Variants in CTIF observed in about 807,000 individuals in gnomAD.
The protein encoded by CTIF is cap binding complex dependent translation initiation factor, also known as CBP80/20-dependent translation initiation factor.
CTIF carries 21 observed loss-of-function variants against 66.0 expected under a neutral mutation model. That is an observed-to-expected ratio of 0.32 (90% CI 0.23 to 0.46). The LOEUF is 0.46. Among genes scored for constraint, CTIF ranks in the 20% least tolerant of loss-of-function variants. CTIF has a pLI of 1.00. For missense variants in CTIF, 739 were observed against 812.7 expected (o/e 0.91, Z 1.10); for synonymous variants, 345 against 326.4 (o/e 1.06, Z -0.62).
intron 6 of CTIF, among the ~76,000 whole-genome samples, chr18:48,710,993 T>C (rs528003544): frequency 1.6e-4 from 25 of 152,102 alleles, no homozygotes; most frequent in Non-Finnish European, 3.1e-4. Context: ...ATAATGATGA[T>C]AGTAATGCTG....
intron 9 of CTIF, among the ~76,000 whole-genome samples, chr18:48,803,929 G>A (rs892558837): frequency 1.3e-5 from 2 of 152,182 alleles, no homozygotes; most frequent in Non-Finnish European, 2.9e-5. Flanking sequence ...GGAGAGAGGG[G>A]AGAGAAGGGA....
chr18:48,754,879 G>A (rs1403856509), intron 7 of CTIF, among the ~76,000 whole-genome samples: 5 of 152,220 alleles, frequency 3.3e-5, no homozygotes, highest in African/African-American at 9.6e-5. Flanking sequence ...ATGAACAGCA[G>A]AAGCCCTGCA....
chr18:48,791,994 A>G (rs1437934492), intron 9 of CTIF, among the ~76,000 whole-genome samples: 1 of 152,236 alleles, frequency 6.6e-6, no homozygotes, highest in African/African-American at 2.4e-5. Context: ...AGCAGCAAAC[A>G]GACAGACTCA....
At chr18:48,699,457 G>T (rs2092053301) in intron 6 of CTIF, among the ~76,000 whole-genome samples, 1 of 151,564 alleles carries the variant, frequency 6.6e-6, no homozygotes, top group Non-Finnish European at 1.5e-5. Context: ...GTGCAGGTCT[G>T]TGTGGAGGAA....
intron 10 of CTIF, among the ~76,000 whole-genome samples, chr18:48,843,148 G>C (rs370881027): frequency 9.2e-5 from 14 of 151,778 alleles, no homozygotes; most frequent in African/African-American, 3.4e-4. Flanking sequence ...GTCTCAAGGA[G>C]CTCTGTTGTG....
At chr18:48,670,866 G>A (rs140986563) in intron 6 of CTIF, 122 bp downstream of exon 6, 453 of 791,118 alleles carry the variant, frequency 5.7e-4, no homozygotes, top group Non-Finnish European at 8.2e-4. Flanking sequence ...GAGTGTAACC[G>A]CCTGTATGGT....
intron 1 of CTIF, among the ~76,000 whole-genome samples, chr18:48,570,361 C>T (rs966206941): frequency 6.6e-6 from 1 of 152,204 alleles, no homozygotes; most frequent in Non-Finnish European, 1.5e-5. Flanking sequence ...GAGTCTGAGT[C>T]CTGTCCTTCC....
At chr18:48,546,121 T>C (rs1376994006) in intron 1 of CTIF, among the ~76,000 whole-genome samples, 1 of 152,084 alleles carries the variant, frequency 6.6e-6, no homozygotes. Flanking sequence ...GGAGAGAAGA[T>C]ATGAACATAT....
At chr18:48,682,751 A>C (rs1485154963) in intron 6 of CTIF, among the ~76,000 whole-genome samples, 1 of 151,906 alleles carries the variant, frequency 6.6e-6, no homozygotes. Context: ...GGTCCCCCAG[A>C]CTCCAGCAAC....
chr18:48,671,126 G>A (rs971084974), intron 6 of CTIF, among the ~76,000 whole-genome samples: 2 of 152,178 alleles, frequency 1.3e-5, no homozygotes, highest in South Asian at 4.1e-4. Context: ...ATTCTAATGT[G>A]GCTGGGGCTG....
At chr18:48,831,199 T>C (rs1427060790) in intron 10 of CTIF, among the ~76,000 whole-genome samples, 1 of 152,242 alleles carries the variant, frequency 6.6e-6, no homozygotes, top group Non-Finnish European at 1.5e-5. Context: ...AAAGGGGCAT[T>C]TGTGCCCACA....
Position 48,783,355 on chromosome 18 carries a change from C to T in CTIF, c.1371+21666C>T, listed in dbSNP as rs934269159. ...TACTCTGAGATTGCATCCTTCCTAC[C>T]ATATTGGCATTAAGTTGTCCTTTCT... On this transcript the variant is annotated intron_variant, in intron 9 of 11. Coordinates refer to ENST00000256413, the MANE Select transcript of CTIF (RefSeq NM_014772.3). Among the ~76,000 whole-genome samples the T allele has an allele frequency of 2.0e-5, 3 of 152,134 alleles. No individual in the cohort carries two copies. In the East Asian group the frequency reaches 5.8e-4, roughly 29 times the overall value.
intron 1 of CTIF, chr18:48,566,674 C>T (rs981444024): frequency 6.6e-6 from 1 of 152,208 alleles, no homozygotes; most frequent in Non-Finnish European, 1.5e-5. Flanking sequence ...TCATATTTGA[C>T]ACCTCTGTTG....
At chr18:48,544,202 C>T (rs1032451270) in intron 1 of CTIF, among the ~76,000 whole-genome samples, 4 of 152,236 alleles carry the variant, frequency 2.6e-5, no homozygotes, top group African/African-American at 9.6e-5. Context: ...ACTGGGGCTA[C>T]TTTAATACGC....
At chr18:48,856,728 G>A (rs1170668069) in intron 10 of CTIF, among the ~76,000 whole-genome samples, 6 of 152,344 alleles carry the variant, frequency 3.9e-5, no homozygotes, top group Admixed American at 3.9e-4. Flanking sequence ...CATAGAATCG[G>A]GGGGAGTTGC....
At chr18:48,656,978 T>G (rs1260393119) in intron 3 of CTIF, among the ~76,000 whole-genome samples, 1 of 152,222 alleles carries the variant, frequency 6.6e-6, no homozygotes, top group Non-Finnish European at 1.5e-5. Flanking sequence ...CGAAGAAATA[T>G]TTAATGAATG....
intron 10 of CTIF, among the ~76,000 whole-genome samples, chr18:48,848,330 A>G (rs530731581): frequency 1.3e-5 from 2 of 152,200 alleles, no homozygotes; most frequent in Admixed American, 6.5e-5. Flanking sequence ...TCTCCCGCCA[A>G]TCACAGCCCT....
chr18:48,726,123 G>A (rs2092385176), intron 7 of CTIF, among the ~76,000 whole-genome samples: 1 of 152,190 alleles, frequency 6.6e-6, no homozygotes, highest in South Asian at 2.1e-4. Context: ...AAAATGCCAA[G>A]GGCAACACAA....
intron 10 of CTIF, among the ~76,000 whole-genome samples, chr18:48,847,403 G>C (rs941366967): frequency 9.2e-5 from 14 of 151,756 alleles, no homozygotes; most frequent in Non-Finnish European, 1.5e-5. Flanking sequence ...AGAGAGCACA[G>C]ATCCAGGACT....
Sources: allele counts gnomAD v4.1 joint callset (sites outside exome capture counted in the v4.1 genomes callset), GRCh38; gene constraint gnomAD v4.1.1; transcripts MANE v1.5; gene names NCBI Gene and HGNC (gene_info 2026-07-23, HGNC 2026-07-21).